Variants in RGS8 observed in about 807,000 individuals in gnomAD.
RGS8 encodes regulator of G-protein signaling 8.
Under a neutral mutation model 21.7 loss-of-function variants are expected in RGS8, and 8 were observed. The observed-to-expected ratio is 0.37, with a 90% CI of 0.22 to 0.66. RGS8 has a LOEUF of 0.66. Ranked by LOEUF, RGS8 falls within the 30% of genes least tolerant of loss-of-function variation. The probability of loss-of-function intolerance (pLI) is 0.59; values close to 1 mark genes in which losing one functional copy is unlikely to be tolerated. For synonymous variants in RGS8, 80 were observed against 83.6 expected (o/e 0.96, Z 0.24); for missense variants, 157 against 217.9 (o/e 0.72, Z 1.76).
the RGS8 span, among the ~76,000 whole-genome samples, chr1:182,691,349 G>T: frequency 6.6e-6 from 1 of 151,994 alleles, no homozygotes; most frequent in African/African-American, 2.4e-5. Context: ...GTATCAAAGA[G>T]CAAAACTGAC....
the RGS8 span, among the ~76,000 whole-genome samples, chr1:182,746,431 C>T: frequency 6.6e-6 from 1 of 152,226 alleles, no homozygotes; most frequent in South Asian, 2.1e-4. Context: ...CTTTGGGAGG[C>T]CAAGGCAGAC....
intron 1 of RGS8, among the ~76,000 whole-genome samples, chr1:182,680,219 G>A (rs1438567331): frequency 1.3e-5 from 2 of 152,028 alleles, no homozygotes; most frequent in Non-Finnish European, 2.9e-5. Context: ...CCTACTCTAG[G>A]GATAAAGTTC....
chr1:182,670,681 C>T (rs773374435), intron 2 of RGS8, among the ~76,000 whole-genome samples: 6 of 151,988 alleles, frequency 3.9e-5, no homozygotes, highest in Non-Finnish European at 7.4e-5. Flanking sequence ...TTTATATTAC[C>T]GCGACTATTT....
the RGS8 span, among the ~76,000 whole-genome samples, chr1:182,738,894 C>A: frequency 1.3e-5 from 2 of 152,148 alleles, no homozygotes; most frequent in African/African-American, 4.8e-5. Flanking sequence ...AAACATCTTG[C>A]AGGGCAAGAG....
the RGS8 span, among the ~76,000 whole-genome samples, chr1:182,731,437 C>T: frequency 3.6e-4 from 55 of 152,294 alleles, no homozygotes; most frequent in African/African-American, 1.3e-3. Flanking sequence ...CCATCCTATC[C>T]CAAGGAAATA....
intron 1 of RGS8, among the ~76,000 whole-genome samples, chr1:182,683,669 C>T (rs1170856412): frequency 6.7e-6 from 1 of 150,066 alleles, no homozygotes; most frequent in Admixed American, 6.6e-5. Flanking sequence ...CTAGACAGTG[C>T]TGAGAAGTAC....
At chr1:182,685,293 G>A (rs1054756434), upstream of RGS8, among the ~76,000 whole-genome samples, 1 of 152,168 alleles carries the variant, frequency 6.6e-6, no homozygotes, top group African/African-American at 2.4e-5. Flanking sequence ...GTCTGTAAAG[G>A]TCCATTTGGA....
chr1:182,705,327 C>A, the RGS8 span, among the ~76,000 whole-genome samples: 2 of 152,170 alleles, frequency 1.3e-5, no homozygotes, highest in African/African-American at 4.8e-5. Flanking sequence ...CAAATTTACC[C>A]TTCCTCTGCC....
chr1:182,694,563 T>C, the RGS8 span, among the ~76,000 whole-genome samples: 2 of 152,212 alleles, frequency 1.3e-5, no homozygotes, highest in African/African-American at 2.4e-5. Context: ...TCCCAGCACT[T>C]TGGGAGGCCG....
chr1:182,664,568 G>A (rs1023783440), intron 5 of RGS8, among the ~76,000 whole-genome samples: 13 of 152,104 alleles, frequency 8.5e-5, no homozygotes, highest in African/African-American at 2.7e-4. Flanking sequence ...TTAGCCTAAT[G>A]TGACTCCAGA....
chr1:182,647,493 C>A (rs920355288), intron 6 of RGS8, among the ~76,000 whole-genome samples: 1 of 152,208 alleles, frequency 6.6e-6, no homozygotes, highest in Admixed American at 6.5e-5. Flanking sequence ...TGCACTTAAA[C>A]TTGTAGCAAA....
chr1:182,737,285 T>TAA, the RGS8 span, among the ~76,000 whole-genome samples: 65,252 of 149,114 alleles, frequency 0.44, 14,604 homozygotes, highest in African/African-American at 0.54. Context: ...ATCTCATAGG[T>TAA]AAAAAAAAAA....
In RGS8 at chr1:182,650,789, A is replaced by G. The variant is rs147046817; in HGVS notation, c.194-2486T>C. ...GATCACCTGAACCCTAGAGGTTGAG[A>G]CTTATCCAAGTCAGGTCATGTTGAG... On this transcript the variant is annotated intron_variant, in intron 5 of 6. Coordinates refer to ENST00000483095, the Ensembl canonical transcript of RGS8. 6.3e-3 allele frequency among the ~76,000 whole-genome samples: 964 copies of G among 152,288 alleles called. 16 individuals are homozygous for G. The highest frequency in any genetic ancestry group is 0.022 in the African/African-American group (913 of 41,550).
upstream of RGS8, among the ~76,000 whole-genome samples, chr1:182,685,454 A>G (rs1664679282): frequency 6.6e-6 from 1 of 152,250 alleles, no homozygotes. Context: ...TACAGTCACC[A>G]GCTCTATTTA....
At chr1:182,668,787 C>T (rs74128238) in intron 3 of RGS8, among the ~76,000 whole-genome samples, 3,378 of 152,282 alleles carry the variant, frequency 0.022, 124 homozygotes, top group African/African-American at 0.074. Flanking sequence ...TGTCTACTCG[C>T]GCTTGCAAAT....
chr1:182,683,303 T>C (rs1177969489), intron 1 of RGS8, among the ~76,000 whole-genome samples: 4 of 152,222 alleles, frequency 2.6e-5, no homozygotes, highest in Non-Finnish European at 4.4e-5. Flanking sequence ...TAATACCATG[T>C]TGCATGTTCA....
At chr1:182,651,034 G>A (rs559331437) in intron 5 of RGS8, among the ~76,000 whole-genome samples, 2 of 152,244 alleles carry the variant, frequency 1.3e-5, no homozygotes, top group African/African-American at 4.8e-5. Flanking sequence ...TCAAATGAGA[G>A]GTCTGCTCAG....
At chr1:182,651,935 A>G (rs1244260362) in intron 5 of RGS8, among the ~76,000 whole-genome samples, 2 of 152,246 alleles carry the variant, frequency 1.3e-5, no homozygotes. Context: ...AGCAGTGACC[A>G]GTCCACGATT....
At chr1:182,682,453 T>A (rs780102434) in intron 1 of RGS8, among the ~76,000 whole-genome samples, 1 of 151,770 alleles carries the variant, frequency 6.6e-6, no homozygotes, top group African/African-American at 2.4e-5. Context: ...CTTCCTCGAG[T>A]TTTTTTTACC....
Sources: gnomAD v4.1 joint callset for allele counts (sites outside exome capture counted in the v4.1 genomes callset) on GRCh38, gnomAD v4.1.1 for gene constraint, MANE v1.5 for transcripts, NCBI Gene and HGNC (gene_info 2026-07-23, HGNC 2026-07-21) for gene names.